Variants in PTCHD1 observed in about 807,000 individuals in gnomAD.
PTCHD1 encodes patched domain containing 1, also known as patched domain-containing protein 1.
In PTCHD1, 3 loss-of-function variants were observed where a neutral mutation model predicts 34.6. That is an observed-to-expected ratio of 0.09 (90% CI 0.04 to 0.22). The LOEUF (loss-of-function observed/expected upper bound fraction) is 0.22. Among genes scored for constraint, PTCHD1 ranks in the 10% least tolerant of loss-of-function variants. The probability of loss-of-function intolerance (pLI) is 1.00; values close to 1 mark genes in which losing one functional copy is unlikely to be tolerated. For synonymous variants in PTCHD1, 305 were observed against 283.1 expected, an observed-to-expected ratio of 1.08 and a Z score of -0.77; for missense variants, 504 against 685.5, an observed-to-expected ratio of 0.74 and a Z score of 2.96.
intron 1 of PTCHD1, among the ~76,000 whole-genome samples, chrX:23,347,671 G>A (rs1663255027): frequency 1.8e-5 from 2 of 111,370 alleles, no homozygotes; most frequent in Admixed American, 9.5e-5. Context: ...AATCAGACTC[G>A]GATATGGGAA....
intron 2 of PTCHD1, among the ~76,000 whole-genome samples, chrX:23,387,103 A>T (rs1354232201): frequency 8.9e-6 from 1 of 112,473 alleles, no homozygotes; most frequent in African/African-American, 3.2e-5. Flanking sequence ...TTTGCCTACG[A>T]TTATTCATTG....
At chrX:23,343,151 T>C (rs748369740) in intron 1 of PTCHD1, among the ~76,000 whole-genome samples, 21 of 112,832 alleles carry the variant, frequency 1.9e-4, no homozygotes, top group African/African-American at 6.7e-4. Context: ...TTTTGCCTGG[T>C]AGCATGACCA....
rs1248804340 is a variant in PTCHD1 at position 23,397,713 on chromosome X, AC to A, written c.*3530del. 38 of 110,643 alleles carry A rather than the reference AC, an allele frequency of 3.4e-4. 1 individual carries two copies. The highest frequency in any genetic ancestry group is 1.3e-3 in the African/African-American group (38 of 30,352). The allele number at this position is 110,643 out of a possible 1,213,427, so 9.1% of individuals were successfully genotyped here. On this transcript the variant is annotated 3_prime_UTR_variant, in exon 3 of 3. Transcript: ENST00000379361. ...ACCCTTGACCCTTTAATTCTAACTA[AC>A]CATCACCCAATCGTAAGTGGCATTA... is the stretch of plus-strand genomic sequence containing the variant.
intron 1 of PTCHD1, among the ~76,000 whole-genome samples, chrX:23,378,429 G>C (rs1351094355): frequency 8.0e-5 from 9 of 112,140 alleles, no homozygotes; most frequent in African/African-American, 2.9e-4. Context: ...TCTTATCTTA[G>C]ACAGTAGATT....
chrX:23,395,495 C>T lies in PTCHD1; in HGVS notation c.*1310C>T, dbSNP rs942809894. 5 of 111,621 alleles carry T rather than the reference C, an allele frequency of 4.5e-5. No individual in the cohort carries two copies. Among genetic ancestry groups the T allele is most frequent in the African/African-American group, 6.5e-5 (2 of 30,654 alleles). 9.2% of individuals were successfully genotyped at this position (111,621 alleles called of 1,213,427 possible). On this transcript the variant is annotated 3_prime_UTR_variant, in exon 3 of 3. Transcript: ENST00000379361. Reference sequence around the variant, plus strand: ...AATTCTCTTGCTAAAGTGGCTGCACCTCACCTTGCTGGTCCCCCCCACACC... The same window carrying T: ...AATTCTCTTGCTAAAGTGGCTGCACTTCACCTTGCTGGTCCCCCCCACACC...
chrX:23,389,513 A>C (rs1056789970), intron 2 of PTCHD1, among the ~76,000 whole-genome samples: 3 of 111,757 alleles, frequency 2.7e-5, no homozygotes, highest in Admixed American at 9.5e-5. Flanking sequence ...ATGCTGTAGA[A>C]CTCCAGTTTG....
intron 1 of PTCHD1, among the ~76,000 whole-genome samples, chrX:23,359,675 C>T (rs1238505826): frequency 8.9e-6 from 1 of 112,048 alleles, no homozygotes; most frequent in Non-Finnish European, 1.9e-5. Flanking sequence ...GCCAGAACTT[C>T]CAACACTATG....
chrX:23,363,902 G>C (rs1027342503), intron 1 of PTCHD1, among the ~76,000 whole-genome samples: 9 of 112,513 alleles, frequency 8.0e-5, no homozygotes, highest in Non-Finnish European at 1.3e-4. Flanking sequence ...GTAAAACAAA[G>C]TTTATAGCAG....
At chrX:23,358,587 T>G (rs756422434) in intron 1 of PTCHD1, among the ~76,000 whole-genome samples, 8 of 112,030 alleles carry the variant, frequency 7.1e-5, no homozygotes, top group Non-Finnish European at 1.5e-4. Flanking sequence ...TTTTCTCCCA[T>G]TCTATAGGTT....
At chrX:23,363,029 C>A (rs1461105676) in intron 1 of PTCHD1, among the ~76,000 whole-genome samples, 1 of 111,730 alleles carries the variant, frequency 9.0e-6, no homozygotes, top group Non-Finnish European at 1.9e-5. Context: ...AGCTTCATCC[C>A]AGAGGAGCAC....
At chrX:23,363,999 A>G (rs7060053) in intron 1 of PTCHD1, among the ~76,000 whole-genome samples, 2,892 of 112,478 alleles carry the variant, frequency 0.026, 95 homozygotes, top group African/African-American at 0.088. Flanking sequence ...TTTTCACACA[A>G]TGGACTACTA....
At chrX:23,338,524 T>C (rs929750984) in intron 1 of PTCHD1, among the ~76,000 whole-genome samples, 1 of 112,505 alleles carries the variant, frequency 8.9e-6, no homozygotes, top group African/African-American at 3.2e-5. Context: ...CCAGTACTTA[T>C]GATAATGACA....
rs180750669 is a variant in PTCHD1 at position 23,391,297 on chromosome X, A to G, written c.1013-1234A>G. On this transcript the variant is annotated intron_variant, in intron 2 of 2. Transcript: ENST00000379361. Reference sequence around the variant, plus strand: ...GATGCCACTATCAAATAGCGCGGAGAAGCTAGCAGAGTCGCTGCTGACGTA... The same window carrying G: ...GATGCCACTATCAAATAGCGCGGAGGAGCTAGCAGAGTCGCTGCTGACGTA... 2.2e-4 allele frequency among the ~76,000 whole-genome samples: 25 copies of G among 111,590 alleles called. No homozygotes were observed. The Admixed American group carries it at 2.4e-3, about 11-fold the overall frequency.
At chrX:23,363,899 A>T (rs993309984) in intron 1 of PTCHD1, among the ~76,000 whole-genome samples, 1 of 112,812 alleles carries the variant, frequency 8.9e-6, no homozygotes, top group Admixed American at 9.4e-5. Flanking sequence ...TATGTAAAAC[A>T]AAGTTTATAG....
At chrX:23,353,770 A>T (rs912243727) in intron 1 of PTCHD1, among the ~76,000 whole-genome samples, 2 of 112,148 alleles carry the variant, frequency 1.8e-5, no homozygotes, top group African/African-American at 6.5e-5. Flanking sequence ...TTTTAGAAAA[A>T]TAAGTCTGGT....
intron 1 of PTCHD1, among the ~76,000 whole-genome samples, chrX:23,344,502 A>G: frequency 8.9e-6 from 1 of 112,319 alleles, no homozygotes; most frequent in Middle Eastern, 4.6e-3. Context: ...TTGATCCAAC[A>G]GGCAATAATG....
intron 1 of PTCHD1, chrX:23,351,320 C>A (rs1921628065): frequency 9.3e-6 from 8 of 857,793 alleles, no homozygotes; most frequent in African/African-American, 2.0e-5. Context: ...AATTTTGCTT[C>A]ATCATTTGCT....
At chrX:23,342,316 TTTTTTTTTTTTTTTTTA>T (rs1921360289) in intron 1 of PTCHD1, among the ~76,000 whole-genome samples, 1 of 24,980 alleles carries the variant, frequency 4.0e-5, no homozygotes, top group African/African-American at 9.6e-4. Context: ...ATATATTTTT[TTTTTTTTTTTTTTTTTA>T]AAAGAATTGG....
At chrX:23,381,154 CAG>C (rs1170405720) in intron 2 of PTCHD1, among the ~76,000 whole-genome samples, 1 of 112,232 alleles carries the variant, frequency 8.9e-6, no homozygotes, top group African/African-American at 3.2e-5. Flanking sequence ...ACTATGAACT[CAG>C]GAGAATATTT....
Sources: allele counts gnomAD v4.1 joint callset (sites outside exome capture counted in the v4.1 genomes callset), GRCh38; gene constraint gnomAD v4.1.1; transcripts MANE v1.5; gene names NCBI Gene and HGNC (gene_info 2026-07-23, HGNC 2026-07-21).